Variants in HS3ST4 observed in about 807,000 individuals in gnomAD.
The protein encoded by HS3ST4 is heparan sulfate glucosamine 3-O-sulfotransferase 4.
HS3ST4 carries 17 observed loss-of-function variants against 29.2 expected under a neutral mutation model. That is an observed-to-expected ratio of 0.58 (90% CI 0.40 to 0.87). The LOEUF (loss-of-function observed/expected upper bound fraction) is 0.87, where lower values mean the gene tolerates loss of function less well. Ranked by LOEUF, HS3ST4 falls within the 40% of genes least tolerant of loss-of-function variation. HS3ST4 has a pLI of 0.00. For synonymous variants in HS3ST4, 314 were observed against 285.7 expected (o/e 1.10, Z -1.00); for missense variants, 627 against 634.5 (o/e 0.99, Z 0.13).
intron 1 of HS3ST4, among the ~76,000 whole-genome samples, chr16:25,794,930 C>T (rs1173762371): frequency 9.0e-6 from 1 of 110,948 alleles, no homozygotes; most frequent in Non-Finnish European, 2.0e-5. Flanking sequence ...CACACACACA[C>T]ACACACACAT....
At chr16:25,780,370 C>G (rs553116697) in intron 1 of HS3ST4, among the ~76,000 whole-genome samples, 1 of 152,304 alleles carries the variant, frequency 6.6e-6, no homozygotes, top group South Asian at 2.1e-4. Context: ...AGTTTAGCCT[C>G]CATAGCTTGA....
At chr16:25,969,329 T>C (rs921524772) in intron 1 of HS3ST4, among the ~76,000 whole-genome samples, 9 of 152,238 alleles carry the variant, frequency 5.9e-5, no homozygotes, top group African/African-American at 2.2e-4. Context: ...ATAGACATTT[T>C]ATTCCTTGAG....
intron 1 of HS3ST4, among the ~76,000 whole-genome samples, chr16:25,991,781 G>T (rs1359070210): frequency 6.6e-6 from 1 of 152,134 alleles, no homozygotes; most frequent in Non-Finnish European, 1.5e-5. Context: ...CAGCACTTTG[G>T]GAGGCTGGGG....
chr16:25,830,740 A>C (rs1434678760), intron 1 of HS3ST4, among the ~76,000 whole-genome samples: 1 of 150,434 alleles, frequency 6.6e-6, no homozygotes, highest in Non-Finnish European at 1.5e-5. Context: ...TTTAGCTGTC[A>C]GCTCTATCCC....
chr16:25,918,719 C>G (rs191072576), intron 1 of HS3ST4, among the ~76,000 whole-genome samples: 5 of 152,284 alleles, frequency 3.3e-5, no homozygotes, highest in Admixed American at 6.5e-5. Context: ...GCTGGAGAAT[C>G]GCTTGAACCT....
intron 1 of HS3ST4, among the ~76,000 whole-genome samples, chr16:25,706,525 G>T (rs1407064009): frequency 1.3e-5 from 2 of 151,838 alleles, no homozygotes; most frequent in Non-Finnish European, 2.9e-5. Flanking sequence ...AATGCTCTCC[G>T]TCCCCTAGCT....
rs1385567443 is a variant in HS3ST4, at chr16:25,692,752, C to T, written c.335C>T (p.Pro112Leu). 6.1e-6 allele frequency: 8 copies of T among 1,303,826 alleles called. No individual in the cohort carries two copies. The highest frequency in any genetic ancestry group is 7.8e-6 in the Non-Finnish European group (8 of 1,032,054). The allele number at this position is 1,303,826 out of a possible 1,614,324, so 80.8% of individuals were successfully genotyped here. A position where few individuals can be genotyped will look rare whatever the true frequency, so the allele number is the denominator to read the frequency against. ...PLDNASHGEP[P>L]EPPEQPAAPG... Reference sequence around the variant, plus strand: ...GACAACGCGAGCCACGGGGAGCCGCCCGAGCCCCCAGAGCAGCCAGCCGCC... The same window carrying T: ...GACAACGCGAGCCACGGGGAGCCGCTCGAGCCCCCAGAGCAGCCAGCCGCC... Residue 112 changes from proline (P) to leucine (L), a missense_variant, in exon 1 of 2, where the codon CCC (proline) becomes CTC (leucine). Physicochemically the swap from Pro to Leu is moderately conservative, Grantham distance 98. Around this residue, in one of 2 missense-constraint regions of HS3ST4, gnomAD observed 402 missense variants for 340.8 expected, o/e 1.18. Coordinates refer to ENST00000331351, the MANE Select transcript of HS3ST4 (RefSeq NM_006040.3).
chr16:25,753,920 C>T (rs1369697587), intron 1 of HS3ST4, among the ~76,000 whole-genome samples: 1 of 152,146 alleles, frequency 6.6e-6, no homozygotes, highest in Non-Finnish European at 1.5e-5. Flanking sequence ...GCAATGCCTT[C>T]ATGCAATTTG....
chr16:26,088,870 C>T (rs904919438), intron 1 of HS3ST4, among the ~76,000 whole-genome samples: 1 of 152,208 alleles, frequency 6.6e-6, no homozygotes, highest in South Asian at 2.1e-4. Context: ...GGAATCTTTA[C>T]AGGATTCTCA....
chr16:25,799,711 T>G (rs2141623453), intron 1 of HS3ST4, among the ~76,000 whole-genome samples: 1 of 152,302 alleles, frequency 6.6e-6, no homozygotes, highest in Middle Eastern at 3.4e-3. Context: ...GTAATTTCAC[T>G]TTTCTACATG....
chr16:26,036,417 G>T (rs1969583995), intron 1 of HS3ST4, among the ~76,000 whole-genome samples: 1 of 152,174 alleles, frequency 6.6e-6, no homozygotes, highest in Non-Finnish European at 1.5e-5. Context: ...TGCCCAATCT[G>T]TATTTCCTGG....
chr16:25,972,768 G>A (rs1232258860), intron 1 of HS3ST4, among the ~76,000 whole-genome samples: 1 of 152,188 alleles, frequency 6.6e-6, no homozygotes, highest in Non-Finnish European at 1.5e-5. Flanking sequence ...GGGTGTGAAT[G>A]CGAAGAGGGA....
intron 1 of HS3ST4, among the ~76,000 whole-genome samples, chr16:26,074,079 G>A (rs148733768): frequency 1.7e-3 from 260 of 152,082 alleles, no homozygotes; most frequent in African/African-American, 5.3e-3. Flanking sequence ...TCAGCCTTCC[G>A]GTTTCCGAAC....
At chr16:25,805,372 A>G (rs73513317) in intron 1 of HS3ST4, among the ~76,000 whole-genome samples, 10,116 of 152,200 alleles carry the variant, frequency 0.066, 1,137 homozygotes, top group African/African-American at 0.23. Context: ...ATTCTTTCGA[A>G]GGCATCTTAT....
At chr16:26,001,681 A>G in intron 1 of HS3ST4, among the ~76,000 whole-genome samples, 1 of 152,160 alleles carries the variant, frequency 6.6e-6, no homozygotes, top group Non-Finnish European at 1.5e-5. Context: ...TCATTCTTTC[A>G]TTGGTTGTTT....
In HS3ST4 at chr16:25,693,117, G is replaced by T. The variant is rs753642994; in HGVS notation, c.700G>T (p.Asp234Tyr). 3.7e-6 allele frequency: 6 copies of T among 1,608,976 alleles called. No homozygotes were observed. Among genetic ancestry groups the T allele is most frequent in the Non-Finnish European group, 5.1e-6 (6 of 1,177,918 alleles). ...RAVGVEPHFF[D>Y]RNYEKGLEWY... is the part of the protein sequence containing the mutation. ...GGTGGGCGTAGAGCCGCACTTCTTC[G>T]ACAGGAACTACGAAAAGGGGTTGGA... Residue 234 changes from aspartate (D) to tyrosine (Y), a missense_variant, in exon 1 of 2, where the codon GAC becomes TAC. Asp to Tyr is a radical substitution (Grantham distance 160). Coordinates refer to ENST00000331351, the MANE Select transcript of HS3ST4 (RefSeq NM_006040.3).
chr16:25,939,434 T>C (rs1283328831), intron 1 of HS3ST4, among the ~76,000 whole-genome samples: 2 of 151,598 alleles, frequency 1.3e-5, no homozygotes, highest in African/African-American at 4.8e-5. Flanking sequence ...GCCTCCCAGG[T>C]TCAAGCAATT....
rs1567249466 is a variant in HS3ST4, at chr16:25,828,291, T to TCTCC, written c.734+135142_734+135143insCCCT. Among the ~76,000 whole-genome samples the TCTCC allele has an allele frequency of 3.0e-4, 27 of 89,568 alleles. 2 individuals carry two copies. Among genetic ancestry groups the TCTCC allele is most frequent in the South Asian group, 9.3e-4 (2 of 2,150 alleles). The allele number at this position is 89,568 out of a possible 152,430, so 58.8% of individuals were successfully genotyped here. A position where few individuals can be genotyped will look rare whatever the true frequency, so the allele number is the denominator to read the frequency against. ...TTCTTTCTTTCTTTCTTTCTTTCTT[T>TCTCC]CTTTCTTTCCCTCTCTCTCTCTCTC... On this transcript the variant is annotated intron_variant, in intron 1 of 1. Coordinates refer to ENST00000331351, the MANE Select transcript of HS3ST4 (RefSeq NM_006040.3).
At chr16:25,795,349 T>C (rs1966881461) in intron 1 of HS3ST4, among the ~76,000 whole-genome samples, 1 of 152,166 alleles carries the variant, frequency 6.6e-6, no homozygotes, top group Non-Finnish European at 1.5e-5. Flanking sequence ...CCCATGCATC[T>C]TCCAGCTCTC....
Sources: gnomAD v4.1 joint callset for allele counts (sites outside exome capture counted in the v4.1 genomes callset) on GRCh38, gnomAD v4.1.1 for gene constraint, gnomAD v4.1.1 regional missense constraint, MANE v1.5 for transcripts, NCBI Gene and HGNC (gene_info 2026-07-23, HGNC 2026-07-21) for gene names.